CELF2: variants seen among roughly 807,000 people sequenced by gnomAD.
CELF2 encodes the protein CUGBP Elav-like family member 2.
In CELF2, 8 loss-of-function variants were observed where a neutral mutation model predicts 62.6. The ratio of observed to expected loss-of-function variants is 0.13; its 90% CI spans 0.07 to 0.23. CELF2 has a LOEUF of 0.23. Ranked by LOEUF, CELF2 falls within the 10% of genes least tolerant of loss-of-function variation. The pLI, the probability that CELF2 is intolerant of heterozygous loss-of-function variation, is 1.00. For synonymous variants in CELF2, 258 were observed against 250.0 expected (o/e 1.03, Z -0.30); for missense variants, 333 against 671.0 (o/e 0.50, Z 5.56).
At chr10:11,031,125 C>G (rs17149262) in intron 1 of CELF2, among the ~76,000 whole-genome samples, 26,545 of 152,208 alleles carry the variant, frequency 0.17, 3,086 homozygotes, top group African/African-American at 0.32. Flanking sequence ...TCAGGTGGCG[C>G]TACGCCTTCT....
chr10:11,136,978 G>A (rs2060533529), intron 1 of CELF2, among the ~76,000 whole-genome samples: 1 of 152,044 alleles, frequency 6.6e-6, no homozygotes, highest in South Asian at 2.1e-4. Flanking sequence ...AATATATTCA[G>A]TTAAAATAAG....
At chr10:10,858,981 A>G (rs982217109) in intron 1 of CELF2, among the ~76,000 whole-genome samples, 16 of 152,182 alleles carry the variant, frequency 1.1e-4, no homozygotes, top group African/African-American at 3.9e-4. Context: ...GATACCCACA[A>G]GTGGTTCAAC....
the CELF2 span, among the ~76,000 whole-genome samples, chr10:10,483,144 A>G: frequency 6.6e-6 from 1 of 151,402 alleles, no homozygotes; most frequent in South Asian, 2.1e-4. Flanking sequence ...TCACCTTTAC[A>G]AGTTACAGTC....
At position 11,165,493 on chromosome 10, in the gene CELF2, A is replaced by G. The variant is rs2066821989; in HGVS notation, c.82A>G (p.Thr28Ala). 2 of 1,612,628 alleles carry G rather than the reference A, an allele frequency of 1.2e-6. No homozygotes were observed. Among genetic ancestry groups the G allele is most frequent in the Non-Finnish European group, 1.7e-6 (2 of 1,179,508 alleles). Residue 28 changes from threonine (T) to alanine (A), a missense_variant, in exon 2 of 13, where the codon ACA becomes GCA. Physicochemically the swap from Thr to Ala is moderately conservative, Grantham distance 58. Around this residue, in one of 3 missense-constraint regions of CELF2, gnomAD observed 45 missense variants for 39.8 expected, o/e 1.13. Transcript: ENST00000633077. This position sits in a 1 kb window ranked among gnomAD's most constrained non-coding sequence, Gnocchi z 7.4. ...RLLVPDRING[T>A]ANKMNGALDH... ...CGGTTCCGTTTTTGACAGTAACGGC[A>G]CAGCCAACAAGATGAACGGAGCTTT...
intron 1 of CELF2, among the ~76,000 whole-genome samples, chr10:11,139,774 A>G (rs760700448): frequency 6.6e-6 from 1 of 152,044 alleles, no homozygotes; most frequent in Non-Finnish European, 1.5e-5. Context: ...TTAGTTGCAC[A>G]AATACCTATT....
chr10:10,611,034 G>A, the CELF2 span, among the ~76,000 whole-genome samples: 3 of 152,302 alleles, frequency 2.0e-5, no homozygotes, highest in South Asian at 2.1e-4. Context: ...GAGGTGCTCT[G>A]TATGTTTTAC....
chr10:10,578,327 T>C, the CELF2 span, among the ~76,000 whole-genome samples: 1 of 152,310 alleles, frequency 6.6e-6, no homozygotes, highest in African/African-American at 2.4e-5. Flanking sequence ...TTCACTCTGA[T>C]GGTGGTTTCT....
chr10:11,307,573 T>C (rs544558122), intron 9 of CELF2, among the ~76,000 whole-genome samples: 18 of 152,346 alleles, frequency 1.2e-4, no homozygotes, highest in Non-Finnish European at 2.4e-4. Context: ...ATTCATTACA[T>C]AGATTATTTA....
At chr10:10,502,462 A>C in the CELF2 span, among the ~76,000 whole-genome samples, 15 of 152,024 alleles carry the variant, frequency 9.9e-5, no homozygotes, top group Non-Finnish European at 1.9e-4. Flanking sequence ...AGAGCTATTC[A>C]AACCATTCAT....
chr10:10,479,701 C>A, the CELF2 span, among the ~76,000 whole-genome samples: 1 of 152,104 alleles, frequency 6.6e-6, no homozygotes, highest in Non-Finnish European at 1.5e-5. Flanking sequence ...TACCAGGGGA[C>A]TTTGGACACG....
intron 9 of CELF2, among the ~76,000 whole-genome samples, chr10:11,293,580 C>T (rs1363424753): frequency 1.3e-5 from 2 of 152,196 alleles, no homozygotes; most frequent in East Asian, 3.9e-4. Flanking sequence ...GCCAGGCGTT[C>T]TGCAGACGTC....
intron 1 of CELF2, among the ~76,000 whole-genome samples, chr10:11,049,088 A>G (rs1377553829): frequency 6.6e-6 from 1 of 150,726 alleles, no homozygotes; most frequent in African/African-American, 2.5e-5. Context: ...TGTTTTCTGC[A>G]TGTTCTTATG....
chr10:11,194,548 T>C (rs2134689424), intron 2 of CELF2, among the ~76,000 whole-genome samples: 1 of 152,268 alleles, frequency 6.6e-6, no homozygotes, highest in East Asian at 1.9e-4. Flanking sequence ...GGTCCACACA[T>C]TGACCACTGA....
At chr10:10,696,858 A>C in the CELF2 span, among the ~76,000 whole-genome samples, 6 of 152,116 alleles carry the variant, frequency 3.9e-5, no homozygotes, top group Non-Finnish European at 8.8e-5. Flanking sequence ...CGGTGCGTGC[A>C]CCCAATGACC....
Position 10,987,542 on chromosome 10 carries a change from T to C in CELF2, c.89+67543T>C, listed in dbSNP as rs370213947. Among the ~76,000 whole-genome samples, 10 of 152,268 alleles carry C rather than the reference T, an allele frequency of 6.6e-5. No homozygotes were observed. In the East Asian group the frequency reaches 1.7e-3, roughly 26 times the overall value. On this transcript the variant is annotated intron_variant, in intron 2 of 13. Coordinates refer to the CELF2 transcript ENST00000636488. The stretch of plus-strand genomic sequence containing the variant: ...TAGTCTTTGGGACTTCTAGTTAAGA[T>C]TGTGTTTTAACTTAGGGCCCTTGAT...
At chr10:10,598,113 CAG>C in the CELF2 span, among the ~76,000 whole-genome samples, 1 of 151,948 alleles carries the variant, frequency 6.6e-6, no homozygotes, top group Non-Finnish European at 1.5e-5. Flanking sequence ...AAATGGTGTC[CAG>C]AGAGAGTTGG....
intron 2 of CELF2, among the ~76,000 whole-genome samples, chr10:11,183,904 C>A (rs1396124596): frequency 6.6e-6 from 1 of 152,152 alleles, no homozygotes; most frequent in African/African-American, 2.4e-5. Context: ...TTTTAAAAAG[C>A]AGTTTCTAAT....
chr10:10,913,858 AGAAG>A (rs71378770), intron 1 of CELF2, among the ~76,000 whole-genome samples: 4,273 of 101,076 alleles, frequency 0.042, 105 homozygotes, highest in Non-Finnish European at 0.06. Flanking sequence ...AGGGAAGGAG[AGAAG>A]GAAGGAAGGA....
chr10:10,580,378 G>T, the CELF2 span, among the ~76,000 whole-genome samples: 4 of 152,108 alleles, frequency 2.6e-5, no homozygotes, highest in Admixed American at 2.0e-4. Context: ...TCACTGAAAA[G>T]AAGTCTCCAG....
Sources: gnomAD v4.1 joint callset for allele counts (sites outside exome capture counted in the v4.1 genomes callset) on GRCh38, gnomAD v4.1.1 for gene constraint, gnomAD v4.1.1 regional missense constraint, Gnocchi (gnomAD v3.1) non-coding constraint, MANE v1.5 for transcripts, NCBI Gene and HGNC (gene_info 2026-07-23, HGNC 2026-07-21) for gene names.